Variants in EVL observed in about 807,000 individuals in gnomAD.
EVL encodes the protein Enah/Vasp-like, also known as ena/VASP-like protein.
A neutral mutation model predicts 59.6 loss-of-function variants in EVL; 21 were observed. That is an observed-to-expected ratio of 0.35 (90% CI 0.25 to 0.51). The LOEUF (loss-of-function observed/expected upper bound fraction) is 0.51, where lower values mean the gene tolerates loss of function less well. Ranked by LOEUF, EVL falls within the 20% of genes least tolerant of loss-of-function variation. EVL has a pLI of 0.97. For missense variants in EVL, 462 were observed against 546.6 expected (o/e 0.85, Z 1.54); for synonymous variants, 198 against 203.5 (o/e 0.97, Z 0.23).
At chr14:99,983,786 C>A (rs968335937) in intron 1 of EVL, among the ~76,000 whole-genome samples, 2 of 152,164 alleles carry the variant, frequency 1.3e-5, no homozygotes, top group Non-Finnish European at 2.9e-5. Context: ...GCCTTCAAAT[C>A]TTATTTGAAA....
At chr14:100,117,128 C>G (rs1283299272) in intron 3 of EVL, among the ~76,000 whole-genome samples, 1 of 152,030 alleles carries the variant, frequency 6.6e-6, no homozygotes, top group Non-Finnish European at 1.5e-5. Context: ...TGGGGGCAGT[C>G]CTGGCAAGAC....
Position 100,084,811 on chromosome 14 carries a change from A to G in EVL, c.136A>G (p.Ser46Gly), listed in dbSNP as rs779152593. Residue 46 changes from serine to glycine, a missense_variant, in exon 2 of 14, where the codon AGC becomes GGC. Coordinates refer to ENST00000392920, the MANE Select transcript of EVL (RefSeq NM_016337.3). The part of the protein sequence containing the change: ...SRINIYHNTA[S>G]NTFRVVGVKL... ...GATCAACATCTACCACAACACTGCCAGCAACACCTTCAGAGTCGTTGGAGT... is the reference window on the plus strand; with the variant it reads ...GATCAACATCTACCACAACACTGCCGGCAACACCTTCAGAGTCGTTGGAGT... 18 of 1,614,082 alleles carry G rather than the reference A, an allele frequency of 1.1e-5. No individual in the cohort carries two copies. Among genetic ancestry groups the G allele is most frequent in the Non-Finnish European group, 1.5e-5 (18 of 1,180,050 alleles).
chr14:100,121,343 G>A (rs1444780368), intron 3 of EVL, among the ~76,000 whole-genome samples: 2 of 152,168 alleles, frequency 1.3e-5, no homozygotes, highest in African/African-American at 4.8e-5. Flanking sequence ...GGAGTAAGGG[G>A]GCGATGGGAA....
intron 1 of EVL, among the ~76,000 whole-genome samples, chr14:100,046,093 G>T (rs1011418512): frequency 6.6e-6 from 1 of 152,114 alleles, no homozygotes; most frequent in Non-Finnish European, 1.5e-5. Context: ...CTCTGTAAAG[G>T]CCTCTGAGAT....
chr14:100,141,221 C>A lies in EVL; in HGVS notation c.1136C>A (p.Ala379Asp). 1 of 1,613,842 alleles carries A rather than the reference C, an allele frequency of 6.2e-7. No homozygotes were observed. Among genetic ancestry groups the A allele is most frequent in the African/African-American group, 1.3e-5 (1 of 75,046 alleles). Residue 379 changes from alanine (A) to aspartate (D), a missense_variant, in exon 12 of 14, where the codon GCC becomes GAC. Transcript: ENST00000392920. ...AGCGTGAATGACATGGCCCTGGATG[C>A]CTTCGACTTGGACCGGATGAAGCAG... Reference protein sequence around the residue: ...AGSVNDMALDAFDLDRMKQEI... With the variant: ...AGSVNDMALDDFDLDRMKQEI...
In EVL at chr14:100,028,667, G is replaced by A. The variant is rs141798313; in HGVS notation, c.6-56020G>A. Reference sequence around the variant, plus strand: ...CTCTACTAAAAATACAAAAATCAGCGAGGCATGGTGACACGCACCTGTAGT... The same window carrying A: ...CTCTACTAAAAATACAAAAATCAGCAAGGCATGGTGACACGCACCTGTAGT... On this transcript the variant is annotated intron_variant, in intron 1 of 13. Transcript: ENST00000402714. 1.7e-3 allele frequency among the ~76,000 whole-genome samples: 262 copies of A among 152,092 alleles called. 3 individuals carry two copies. Among genetic ancestry groups the A allele is most frequent in the Admixed American group, 0.017 (252 of 15,260 alleles).
At chr14:100,136,724 A>G (rs568397797) in intron 9 of EVL, among the ~76,000 whole-genome samples, 5 of 151,884 alleles carry the variant, frequency 3.3e-5, no homozygotes, top group Non-Finnish European at 7.4e-5. Flanking sequence ...TCCTCCTAAG[A>G]TTTTTGCCTG....
At position 99,972,887 on chromosome 14, in the gene EVL, T is replaced by C. The variant is rs2060744727; in HGVS notation, c.5+830T>C. Among the ~76,000 whole-genome samples the C allele has an allele frequency of 1.3e-5, 2 of 152,216 alleles. No homozygotes were observed. Among genetic ancestry groups the C allele is most frequent in the Non-Finnish European group, 2.9e-5 (2 of 68,034 alleles). On this transcript the variant is annotated intron_variant, in intron 1 of 13. Coordinates refer to the EVL transcript ENST00000402714. This position sits in a 1 kb window ranked among gnomAD's most constrained non-coding sequence, Gnocchi z 4.4. Reference sequence around the variant, plus strand: ...TGTAACTATAGTTTCGTTTTGCCTGTTTTGTATTATTTATGACAATGAAAT... The same window carrying C: ...TGTAACTATAGTTTCGTTTTGCCTGCTTTGTATTATTTATGACAATGAAAT...
At position 100,077,184 on chromosome 14, in the gene EVL, G is replaced by A. The variant is rs115556569; in HGVS notation, c.12-7503G>A. 6.9e-3 allele frequency among the ~76,000 whole-genome samples: 1,046 copies of A among 152,294 alleles called. 11 individuals are homozygous for A. The highest frequency in any genetic ancestry group is 0.024 in the African/African-American group (1,001 of 41,566). ...GGGTGTGAGACTTCAACCAGAGGCG[G>A]GGGAACAGCTAGGAGGCTGTGGTCT... On this transcript the variant is annotated intron_variant, in intron 1 of 13. Transcript: ENST00000392920.
At chr14:100,016,520 T>G (rs2061051695) in intron 1 of EVL, among the ~76,000 whole-genome samples, 1 of 152,180 alleles carries the variant, frequency 6.6e-6, no homozygotes, top group African/African-American at 2.4e-5. Flanking sequence ...GGAGCAAGAC[T>G]CCGGCTCAAA....
chr14:99,980,978 G>C (rs1215595683), intron 1 of EVL, among the ~76,000 whole-genome samples: 1 of 151,906 alleles, frequency 6.6e-6, no homozygotes, highest in African/African-American at 2.4e-5. Context: ...TCACATGCCT[G>C]TAATCCCAGC....
chr14:100,084,052 C>CTTTTT (rs548584469), intron 1 of EVL, among the ~76,000 whole-genome samples: 3 of 134,688 alleles, frequency 2.2e-5, no homozygotes. Flanking sequence ...CTCTCTCTCT[C>CTTTTT]TTTTTTTTTT....
chr14:100,141,175 C>G lies in EVL; in HGVS notation c.1095-5C>G. The G allele has an allele frequency of 6.2e-7, 1 of 1,613,706 alleles. No homozygotes were observed. The highest frequency in any genetic ancestry group is 8.5e-7 in the Non-Finnish European group (1 of 1,179,892). ...CAGGGCACCCACAGGCCCTTTCTCT[C>G]CCAGGATGAAGCCTGCTGGGAGCGT... On this transcript the variant is annotated splice_polypyrimidine_tract_variant and splice_region_variant and intron_variant, in intron 11 of 13. Transcript: ENST00000392920.
At chr14:100,076,924 G>C (rs2062175044) in intron 1 of EVL, among the ~76,000 whole-genome samples, 1 of 152,226 alleles carries the variant, frequency 6.6e-6, no homozygotes, top group Non-Finnish European at 1.5e-5. Context: ...GCTGCTCCAA[G>C]TGCTTACACA....
chr14:99,978,320 C>T (rs1255755653), intron 1 of EVL, among the ~76,000 whole-genome samples: 4 of 150,098 alleles, frequency 2.7e-5, no homozygotes, highest in South Asian at 2.1e-4. Context: ...GAGAATGGCG[C>T]GAACCCGGGA....
chr14:99,988,088 A>AT (rs1469040697), intron 1 of EVL, among the ~76,000 whole-genome samples: 2 of 151,348 alleles, frequency 1.3e-5, no homozygotes, highest in African/African-American at 2.4e-5. Context: ...CTAATTTTGT[A>AT]TTTTTTTAGT....
At chr14:100,096,370 C>T (rs1241962998) in intron 2 of EVL, among the ~76,000 whole-genome samples, 2 of 152,234 alleles carry the variant, frequency 1.3e-5, no homozygotes, top group South Asian at 2.1e-4. Context: ...TCTCCGGCCT[C>T]ATCCAGACTC....
At chr14:100,025,939 A>AAAAC (rs759132197) in intron 1 of EVL, among the ~76,000 whole-genome samples, 13 of 152,160 alleles carry the variant, frequency 8.5e-5, no homozygotes, top group Non-Finnish European at 1.3e-4. Flanking sequence ...TCTGTCTCCA[A>AAAAC]AAACAAACAA....
Position 100,134,118 on chromosome 14 carries a change from T to G in EVL, c.900+1339T>G, listed in dbSNP as rs1398080044. Among the ~76,000 whole-genome samples, 6 of 152,222 alleles carry G rather than the reference T, an allele frequency of 3.9e-5. No individual in the cohort carries two copies. The East Asian group carries it at 1.2e-3, about 29-fold the overall frequency. ...GGCCCTTGGAGGGCGAGGCCTGGGC[T>G]TCTCACACGTCCACCATTCCCATAC... On this transcript the variant is annotated intron_variant, in intron 8 of 13. Transcript: ENST00000392920.
Sources: gnomAD v4.1 joint callset for allele counts (sites outside exome capture counted in the v4.1 genomes callset) on GRCh38, gnomAD v4.1.1 for gene constraint, Gnocchi (gnomAD v3.1) non-coding constraint, MANE v1.5 for transcripts, NCBI Gene and HGNC (gene_info 2026-07-23, HGNC 2026-07-21) for gene names.